YAF2: variants seen among roughly 807,000 people sequenced by gnomAD.
The protein encoded by YAF2 is YY1-associated factor 2.
In YAF2, 7 loss-of-function variants were observed where a neutral mutation model predicts 20.1. That is an observed-to-expected ratio of 0.35 (90% CI 0.20 to 0.65). The LOEUF (loss-of-function observed/expected upper bound fraction) is 0.65, where lower values mean the gene tolerates loss of function less well. Ranked by LOEUF, YAF2 falls within the 30% of genes least tolerant of loss-of-function variation. The pLI is 0.69. For missense variants in YAF2, 151 were observed against 219.2 expected (o/e 0.69, Z 1.96); for synonymous variants, 74 against 76.0 (o/e 0.97, Z 0.14).
At chr12:42,230,570 A>G (rs1184185170) in intron 2 of YAF2, among the ~76,000 whole-genome samples, 4 of 152,234 alleles carry the variant, frequency 2.6e-5, no homozygotes, top group Non-Finnish European at 5.9e-5. Flanking sequence ...AGGAGAGACC[A>G]ATTTGTCCAA....
At chr12:42,195,384 G>A (rs1054420297) in intron 2 of YAF2, among the ~76,000 whole-genome samples, 7 of 152,086 alleles carry the variant, frequency 4.6e-5, no homozygotes, top group Admixed American at 1.3e-4. Context: ...TAACATACAG[G>A]AAACAAATGC....
At chr12:42,198,898 A>T (rs1000228968) in intron 2 of YAF2, among the ~76,000 whole-genome samples, 2 of 152,194 alleles carry the variant, frequency 1.3e-5, no homozygotes, top group Non-Finnish European at 2.9e-5. Flanking sequence ...GGTACTGAGC[A>T]CTTAAATGTG....
At chr12:42,191,194 T>C (rs1004810383) in intron 2 of YAF2, among the ~76,000 whole-genome samples, 50 of 152,198 alleles carry the variant, frequency 3.3e-4, no homozygotes, top group African/African-American at 1.2e-3. Flanking sequence ...ACTGTCTCTC[T>C]CTTCTTCCCT....
chr12:42,157,254 A>G lies in YAF2; in HGVS notation c.*3335T>C, dbSNP rs927791276. ...AGGAGGGCAAAGAGAACAGAACACA[A>G]GAAGCATCCTCACTTCATAACAACC... is the stretch of plus-strand genomic sequence containing the variant. On this transcript the variant is annotated 3_prime_UTR_variant, in exon 4 of 4. Coordinates refer to ENST00000534854, the MANE Select transcript of YAF2 (RefSeq NM_005748.6). The G allele has an allele frequency of 1.3e-5, 2 of 152,268 alleles. No individual in the cohort carries two copies. The highest frequency in any genetic ancestry group is 2.9e-5 in the Non-Finnish European group (2 of 68,066). The allele number at this position is 152,268 out of a possible 1,614,324, so 9.4% of individuals were successfully genotyped here.
At chr12:42,237,421 A>T in intron 2 of YAF2, 178 bp downstream of exon 2, 1 of 1,296,544 alleles carries the variant, frequency 7.7e-7, no homozygotes, top group Admixed American at 4.2e-5. Flanking sequence ...ATTACCCCTC[A>T]CCGCAAACCA....
intron 2 of YAF2, among the ~76,000 whole-genome samples, chr12:42,236,678 G>C (rs1483433737): frequency 1.3e-5 from 2 of 152,120 alleles, no homozygotes; most frequent in African/African-American, 2.4e-5. Flanking sequence ...AGTAAGATTA[G>C]TATGCTTATT....
intron 2 of YAF2, among the ~76,000 whole-genome samples, chr12:42,194,059 T>C (rs1415408119): frequency 6.6e-6 from 1 of 152,232 alleles, no homozygotes; most frequent in Non-Finnish European, 1.5e-5. Flanking sequence ...TACTGTTGTA[T>C]AATGAGTTTG....
chr12:42,211,427 C>CA (rs34683165), intron 2 of YAF2, among the ~76,000 whole-genome samples: 11,082 of 50,530 alleles, frequency 0.22, 799 homozygotes, highest in Non-Finnish European at 0.25. Context: ...ACTCTGTCTC[C>CA]AAAAAAAAAA....
At chr12:42,175,740 CAAAAAAAAAAAAAA>C (rs59476115) in intron 2 of YAF2, among the ~76,000 whole-genome samples, 65 of 45,010 alleles carry the variant, frequency 1.4e-3, no homozygotes, top group African/African-American at 4.1e-3. Context: ...GACTCTGTCT[CAAAAAAAAAAAAAA>C]AAAAAAAAAA....
At position 42,158,634 on chromosome 12, in the gene YAF2, C is replaced by T. The variant is rs996479414; in HGVS notation, c.*1955G>A. On this transcript the variant is annotated 3_prime_UTR_variant, in exon 4 of 4. Coordinates refer to ENST00000534854, the MANE Select transcript of YAF2 (RefSeq NM_005748.6). ...TTCAAACATGAGGTGTCAGTTAGCA[C>T]GCTTAATCTCCATGCTACACCGTGT... The T allele has an allele frequency of 2.0e-5, 3 of 152,132 alleles. No individual in the cohort carries two copies. The highest frequency in any genetic ancestry group is 7.2e-5 in the African/African-American group (3 of 41,434). The allele number at this position is 152,132 out of a possible 1,614,324, so 9.4% of individuals were successfully genotyped here.
chr12:42,235,693 T>G (rs1420607839), intron 2 of YAF2: 1 of 1,531,988 alleles, frequency 6.5e-7, no homozygotes, highest in Non-Finnish European at 8.7e-7. Context: ...ACAATGCTTC[T>G]CTGAGTCCTC....
intron 2 of YAF2, among the ~76,000 whole-genome samples, chr12:42,212,245 T>C (rs1424314790): frequency 1.3e-5 from 2 of 152,098 alleles, no homozygotes; most frequent in African/African-American, 4.8e-5. Context: ...AAAAAATCTC[T>C]CCAAAAGAAA....
At chr12:42,223,946 G>A (rs557254863) in intron 2 of YAF2, among the ~76,000 whole-genome samples, 2 of 152,098 alleles carry the variant, frequency 1.3e-5, no homozygotes, top group African/African-American at 4.8e-5. Flanking sequence ...AAACCTAGAT[G>A]ATGGGTTGAT....
intron 2 of YAF2, among the ~76,000 whole-genome samples, chr12:42,177,789 T>A (rs2066234467): frequency 6.6e-6 from 1 of 152,154 alleles, no homozygotes. Context: ...CCTTTTTACT[T>A]TATTCTTTTT....
intron 2 of YAF2, among the ~76,000 whole-genome samples, chr12:42,179,404 AGG>A (rs2066282318): frequency 6.6e-6 from 1 of 152,240 alleles, no homozygotes; most frequent in East Asian, 1.9e-4. Flanking sequence ...CAGGAGAAAG[AGG>A]TTTTAGTGAG....
intron 2 of YAF2, among the ~76,000 whole-genome samples, chr12:42,215,010 T>TTAAA (rs906316823): frequency 1.4e-4 from 22 of 151,938 alleles, no homozygotes; most frequent in South Asian, 2.1e-4. Context: ...CCATCTTAAA[T>TTAAA]TAAATAAATA....
chr12:42,183,210 T>G (rs1441530399), intron 2 of YAF2, among the ~76,000 whole-genome samples: 1 of 152,118 alleles, frequency 6.6e-6, no homozygotes, highest in Non-Finnish European at 1.5e-5. Context: ...CTCCTTCTCC[T>G]TGAGCCTCCC....
At chr12:42,235,574 G>A (rs998604608) in intron 2 of YAF2, 1 of 1,408,012 alleles carries the variant, frequency 7.1e-7, no homozygotes, top group Non-Finnish European at 9.2e-7. Flanking sequence ...TCAGAGAGAG[G>A]AAGGAAGAAG....
intron 3 of YAF2, chr12:42,161,151 A>G (rs2065791010): frequency 3.1e-6 from 1 of 318,294 alleles, no homozygotes; most frequent in Admixed American, 4.8e-5. Flanking sequence ...AAATAGTTGC[A>G]CCATGGAGGA....
Sources: gnomAD v4.1 joint callset for allele counts (sites outside exome capture counted in the v4.1 genomes callset) on GRCh38, gnomAD v4.1.1 for gene constraint, MANE v1.5 for transcripts, NCBI Gene and HGNC (gene_info 2026-07-23, HGNC 2026-07-21) for gene names.